The following DPP6 variants were observed in gnomAD, a reference collection of about 807,000 sequenced individuals.
DPP6 encodes A-type potassium channel modulatory protein DPP6.
A neutral mutation model predicts 122.6 loss-of-function variants in DPP6; 69 were observed. The ratio of observed to expected loss-of-function variants is 0.56; its 90% CI spans 0.46 to 0.69. DPP6 has a LOEUF of 0.69. Ranked by LOEUF, DPP6 falls within the 30% of genes least tolerant of loss-of-function variation. DPP6 has a pLI of 0.00. For missense variants in DPP6, 928 were observed against 1,116.9 expected, an observed-to-expected ratio of 0.83 and a Z score of 2.41; for synonymous variants, 418 against 433.1, an observed-to-expected ratio of 0.97 and a Z score of 0.43.
chr7:154,232,942 GT>G lies in DPP6; in HGVS notation c.243+179881del, dbSNP rs1800999622. Among the ~76,000 whole-genome samples the G allele has an allele frequency of 2.6e-5, 4 of 152,210 alleles. No homozygotes were observed. In the South Asian group the frequency reaches 8.3e-4, roughly 32 times the overall value. On this transcript the variant is annotated intron_variant, in intron 1 of 25. Coordinates refer to ENST00000377770, the MANE Select transcript of DPP6 (RefSeq NM_130797.4). ...ACGAAGTGCTAAAGTCTGCAAGGAG[GT>G]TCTCAAGCTCATCTCACTATTTATA... is the stretch of plus-strand genomic sequence containing the variant.
chr7:154,432,839 A>G lies in DPP6; in HGVS notation c.244-13375A>G, dbSNP rs1202713040. ...CACCCATGTTGCTTTTGACTTGGTA[A>G]AAGAAAAATTGTACTTAGGAAAAGC... On this transcript the variant is annotated intron_variant, in intron 1 of 25. Coordinates refer to ENST00000377770, the MANE Select transcript of DPP6 (RefSeq NM_130797.4). 2.0e-5 allele frequency among the ~76,000 whole-genome samples: 3 copies of G among 152,170 alleles called. No individual in the cohort carries two copies. In the East Asian group the frequency reaches 5.8e-4, roughly 29 times the overall value.
chr7:154,678,799 C>T (rs976850785), intron 7 of DPP6, among the ~76,000 whole-genome samples: 7 of 152,314 alleles, frequency 4.6e-5, no homozygotes, highest in Middle Eastern at 3.4e-3. Context: ...TTACTAGTTG[C>T]GTGACCTTGA....
intron 1 of DPP6, among the ~76,000 whole-genome samples, chr7:153,950,087 T>G (rs938692259): frequency 6.6e-6 from 1 of 152,150 alleles, no homozygotes; most frequent in Non-Finnish European, 1.5e-5. Flanking sequence ...TTATAAAAAT[T>G]AGCATACAGA....
intron 10 of DPP6, among the ~76,000 whole-genome samples, chr7:154,793,407 CT>C (rs1797812633): frequency 6.6e-6 from 1 of 152,172 alleles, no homozygotes; most frequent in African/African-American, 2.4e-5. Context: ...CCCGGTACCC[CT>C]CGGGCTAAGT....
At chr7:153,750,057 C>T in the DPP6 span, among the ~76,000 whole-genome samples, 1 of 152,052 alleles carries the variant, frequency 6.6e-6, no homozygotes, top group African/African-American at 2.4e-5. Flanking sequence ...CATGTATTAG[C>T]CCACAATATC....
chr7:154,842,242 G>C (rs1421832052), intron 16 of DPP6, among the ~76,000 whole-genome samples: 1 of 152,224 alleles, frequency 6.6e-6, no homozygotes, highest in Non-Finnish European at 1.5e-5. Flanking sequence ...TGCCAGCCAG[G>C]CTGTTTGAAT....
intron 1 of DPP6, among the ~76,000 whole-genome samples, chr7:153,895,553 C>G (rs1260563932): frequency 6.6e-6 from 1 of 152,212 alleles, no homozygotes; most frequent in Non-Finnish European, 1.5e-5. Flanking sequence ...CATCTCTCAG[C>G]TCGCCAGTCT....
intron 7 of DPP6, among the ~76,000 whole-genome samples, chr7:154,720,652 C>T (rs1841753317): frequency 6.6e-6 from 1 of 152,212 alleles, no homozygotes; most frequent in Non-Finnish European, 1.5e-5. Context: ...GTTTCAACAG[C>T]ATCTCCCACT....
intron 1 of DPP6, among the ~76,000 whole-genome samples, chr7:154,329,915 A>G (rs1808768700): frequency 6.6e-6 from 1 of 152,202 alleles, no homozygotes; most frequent in Non-Finnish European, 1.5e-5. Flanking sequence ...ATTCTCAGCA[A>G]ACTAACACAG....
At chr7:153,992,637 G>A (rs1412703865) in intron 1 of DPP6, among the ~76,000 whole-genome samples, 1 of 152,220 alleles carries the variant, frequency 6.6e-6, no homozygotes, top group East Asian at 1.9e-4. Flanking sequence ...GCCTAATCAT[G>A]TCAATTCCAG....
At chr7:154,318,428 C>T (rs908019635) in intron 1 of DPP6, among the ~76,000 whole-genome samples, 8 of 152,148 alleles carry the variant, frequency 5.3e-5, no homozygotes, top group Admixed American at 5.2e-4. Flanking sequence ...AAATCAATTA[C>T]ACCCTATCAA....
At chr7:153,782,380 AG>A in the DPP6 span, among the ~76,000 whole-genome samples, 37 of 152,182 alleles carry the variant, frequency 2.4e-4, no homozygotes, top group African/African-American at 8.7e-4. Flanking sequence ...GTTCCCATGA[AG>A]GAAGCGAACC....
At chr7:154,301,257 G>C (rs915650765) in intron 1 of DPP6, among the ~76,000 whole-genome samples, 1 of 152,184 alleles carries the variant, frequency 6.6e-6, no homozygotes, top group South Asian at 2.1e-4. Flanking sequence ...TGAGCATGTA[G>C]TGTCTTTCTT....
intron 1 of DPP6, among the ~76,000 whole-genome samples, chr7:154,441,932 G>T (rs995984506): frequency 2.6e-5 from 4 of 152,212 alleles, no homozygotes; most frequent in African/African-American, 4.8e-5. Flanking sequence ...TTAGTTCGTT[G>T]TTTGTTTTAT....
intron 1 of DPP6, among the ~76,000 whole-genome samples, chr7:153,902,277 C>G (rs982992683): frequency 2.6e-5 from 4 of 152,148 alleles, no homozygotes; most frequent in South Asian, 2.1e-4. Flanking sequence ...ATAGTTCATC[C>G]TAACTTTACT....
At chr7:154,044,931 C>G (rs1187720532) in intron 1 of DPP6, among the ~76,000 whole-genome samples, 1 of 151,770 alleles carries the variant, frequency 6.6e-6, no homozygotes, top group Non-Finnish European at 1.5e-5. Flanking sequence ...CTGCAGAGTT[C>G]TTCTGCCAAA....
chr7:154,243,546 A>G (rs1801782925), intron 1 of DPP6, among the ~76,000 whole-genome samples: 1 of 152,202 alleles, frequency 6.6e-6, no homozygotes, highest in African/African-American at 2.4e-5. Flanking sequence ...CTGTAATCCC[A>G]GCACTTTGGG....
At chr7:154,680,603 G>C (rs7808291) in intron 7 of DPP6, among the ~76,000 whole-genome samples, 24,514 of 151,980 alleles carry the variant, frequency 0.16, 2,117 homozygotes, top group East Asian at 0.34. Flanking sequence ...TAATATATTA[G>C]TCAAAATAAT....
intron 1 of DPP6, among the ~76,000 whole-genome samples, chr7:154,170,175 C>T (rs1315044314): frequency 6.6e-6 from 1 of 152,172 alleles, no homozygotes; most frequent in Admixed American, 6.5e-5. Context: ...AGGCTCTGAT[C>T]AAAGCCACCC....
Sources: gnomAD v4.1 joint callset for allele counts (sites outside exome capture counted in the v4.1 genomes callset) on GRCh38, gnomAD v4.1.1 for gene constraint, MANE v1.5 for transcripts, NCBI Gene and HGNC (gene_info 2026-07-23, HGNC 2026-07-21) for gene names.